PDE4D: variants seen among roughly 807,000 people sequenced by gnomAD.
The protein encoded by PDE4D is phosphodiesterase 4D, also known as 3',5'-cyclic-AMP phosphodiesterase 4D.
In PDE4D, 24 loss-of-function variants were observed where a neutral mutation model predicts 87.4. The ratio of observed to expected loss-of-function variants is 0.27; its 90% CI spans 0.20 to 0.39. PDE4D has a LOEUF of 0.39. PDE4D is among the 10% of genes least tolerant of loss of function. The pLI, the probability that PDE4D is intolerant of heterozygous loss-of-function variation, is 1.00. For synonymous variants in PDE4D, 384 were observed against 383.2 expected (o/e 1.00, Z -0.02); for missense variants, 714 against 1,041.0 (o/e 0.69, Z 4.32).
intron 5 of PDE4D, among the ~76,000 whole-genome samples, chr5:59,155,100 C>T (rs1238158736): frequency 1.3e-5 from 2 of 152,080 alleles, no homozygotes; most frequent in African/African-American, 4.8e-5. Context: ...TGGGGAAGTG[C>T]CTACTCTGAG....
intron 1 of PDE4D, among the ~76,000 whole-genome samples, chr5:59,546,580 ATCCAAT>A (rs1817302024): frequency 6.6e-6 from 1 of 152,170 alleles, no homozygotes; most frequent in African/African-American, 2.4e-5. Flanking sequence ...TAAATCACAA[ATCCAAT>A]TTAACTGGGC....
Position 59,809,122 on chromosome 5 carries a change from C to A in PDE4D, c.455+84046G>T, listed in dbSNP as rs527315412. 4.3e-4 allele frequency among the ~76,000 whole-genome samples: 66 copies of A among 152,272 alleles called. 1 individual carries two copies. In the South Asian group the frequency reaches 0.013, roughly 31 times the overall value. ...TGTGCTTTAAATTTAAGTACCGTGC[C>A]TTAGTTGGCGCCTCTAACATAGGGA... On this transcript the variant is annotated intron_variant, in intron 1 of 14. Coordinates refer to ENST00000340635, the MANE Select transcript of PDE4D (RefSeq NM_001104631.2).
chr5:59,896,342 C>G (rs1352439627), upstream of PDE4D, among the ~76,000 whole-genome samples: 2 of 151,886 alleles, frequency 1.3e-5, no homozygotes, highest in African/African-American at 4.8e-5. Context: ...CTTGGCTGTA[C>G]CTAGGGAATA....
Position 59,229,021 on chromosome 5 carries a change from A to G in PDE4D, c.456-13053T>C, listed in dbSNP as rs7709565. ...CTTTTTTTTTTTTGAACAAACAAACAAAAAACCTTCCTTACTCTTAATTTT... is the reference window on the plus strand; with the variant it reads ...CTTTTTTTTTTTTGAACAAACAAACGAAAAACCTTCCTTACTCTTAATTTT... On this transcript the variant is annotated intron_variant, in intron 1 of 14. Transcript: ENST00000340635. 6.2e-3 allele frequency among the ~76,000 whole-genome samples: 939 copies of G among 152,140 alleles called. 13 individuals carry two copies. The highest frequency in any genetic ancestry group is 0.021 in the African/African-American group (859 of 41,496).
At chr5:59,351,844 T>C (rs1370512249) in intron 1 of PDE4D, among the ~76,000 whole-genome samples, 1 of 152,168 alleles carries the variant, frequency 6.6e-6, no homozygotes, top group East Asian at 1.9e-4. Context: ...TGGTGTTCTG[T>C]CTTCAGAGAA....
At chr5:59,443,370 C>G (rs147601931) in intron 1 of PDE4D, among the ~76,000 whole-genome samples, 103 of 152,320 alleles carry the variant, frequency 6.8e-4, no homozygotes, top group African/African-American at 2.3e-3. Context: ...ATGTTATACT[C>G]AAAGGCTTAC....
intron 1 of PDE4D, among the ~76,000 whole-genome samples, chr5:60,430,545 G>GTTT (rs1303120305): frequency 4.2e-4 from 49 of 116,344 alleles, no homozygotes; most frequent in African/African-American, 1.8e-3. Context: ...GTTTTTTTTT[G>GTTT]TTTGTTTTTT....
At chr5:59,759,893 C>T (rs1476997844) in intron 1 of PDE4D, among the ~76,000 whole-genome samples, 1 of 152,114 alleles carries the variant, frequency 6.6e-6, no homozygotes, top group Non-Finnish European at 1.5e-5. Flanking sequence ...GTATTATTAC[C>T]ATAAGAGACA....
At chr5:59,389,435 T>C (rs1174479119) in intron 1 of PDE4D, among the ~76,000 whole-genome samples, 1 of 151,968 alleles carries the variant, frequency 6.6e-6, no homozygotes, top group Non-Finnish European at 1.5e-5. Flanking sequence ...AGAGCCTCTT[T>C]AAAAGATTTT....
intron 1 of PDE4D, among the ~76,000 whole-genome samples, chr5:59,561,569 G>A (rs1239268020): frequency 1.3e-5 from 2 of 152,152 alleles, no homozygotes; most frequent in Non-Finnish European, 2.9e-5. Context: ...AAAGAAGAGG[G>A]TGTACATTTA....
chr5:59,037,709 A>G (rs1367636363), intron 6 of PDE4D, among the ~76,000 whole-genome samples: 1 of 152,140 alleles, frequency 6.6e-6, no homozygotes, highest in African/African-American at 2.4e-5. Context: ...TTTGAAGCCA[A>G]CTTTTCACTT....
intron 1 of PDE4D, among the ~76,000 whole-genome samples, chr5:60,296,429 CTAT>C (rs1250385072): frequency 1.3e-5 from 2 of 151,606 alleles, no homozygotes; most frequent in Non-Finnish European, 2.9e-5. Context: ...TCCAATGCAG[CTAT>C]TATTCAAAAA....
chr5:59,127,465 C>A (rs765161942), intron 5 of PDE4D, among the ~76,000 whole-genome samples: 4 of 151,906 alleles, frequency 2.6e-5, no homozygotes, highest in Non-Finnish European at 5.9e-5. Flanking sequence ...GGTTAATGAG[C>A]CCAGGCAGCA....
At position 59,072,116 on chromosome 5, in the gene PDE4D, A is replaced by G. The variant is rs191865753; in HGVS notation, c.809-33145T>C. Among the ~76,000 whole-genome samples, 23 of 152,290 alleles carry G rather than the reference A, an allele frequency of 1.5e-4. No homozygotes were observed. In the East Asian group the frequency reaches 4.4e-3, roughly 29 times the overall value. The stretch of plus-strand genomic sequence containing the variant: ...GCTAGAGTACTAAAAATCAGATTGG[A>G]AGCTCTGTTTGCATAGGTAAGATTT... On this transcript the variant is annotated intron_variant, in intron 5 of 14. Coordinates refer to ENST00000340635, the MANE Select transcript of PDE4D (RefSeq NM_001104631.2).
At chr5:59,068,169 A>G (rs1764211272) in intron 5 of PDE4D, among the ~76,000 whole-genome samples, 1 of 152,180 alleles carries the variant, frequency 6.6e-6, no homozygotes, top group South Asian at 2.1e-4. Context: ...TCTCAGTATC[A>G]TTGTTCATAA....
intron 1 of PDE4D, among the ~76,000 whole-genome samples, chr5:60,472,024 C>T (rs1747853722): frequency 6.6e-6 from 1 of 152,032 alleles, no homozygotes; most frequent in Non-Finnish European, 1.5e-5. Flanking sequence ...TTGGGCAAAC[C>T]ATGTAACACC....
chr5:59,484,735 C>G (rs1334735310), intron 1 of PDE4D, among the ~76,000 whole-genome samples: 1 of 152,200 alleles, frequency 6.6e-6, no homozygotes, highest in Non-Finnish European at 1.5e-5. Flanking sequence ...GCAAAAGCTG[C>G]AGACTACAAG....
At chr5:59,263,231 T>C (rs1762319923) in intron 1 of PDE4D, among the ~76,000 whole-genome samples, 1 of 152,016 alleles carries the variant, frequency 6.6e-6, no homozygotes, top group South Asian at 2.1e-4. Flanking sequence ...ATGCCCATGA[T>C]GGAGCAGGCA....
At chr5:59,836,638 C>CTATCTATCTATCTATCTATA (rs1742096617) in intron 1 of PDE4D, among the ~76,000 whole-genome samples, 2 of 150,592 alleles carry the variant, frequency 1.3e-5, no homozygotes, top group African/African-American at 5.0e-5. Flanking sequence ...ATCTATCTAT[C>CTATCTATCTATCTATCTATA]TATCTATCTA....
Sources: gnomAD v4.1 joint callset for allele counts (sites outside exome capture counted in the v4.1 genomes callset) on GRCh38, gnomAD v4.1.1 for gene constraint, MANE v1.5 for transcripts, NCBI Gene and HGNC (gene_info 2026-07-23, HGNC 2026-07-21) for gene names.